The following SMYD3 variants were observed in gnomAD, a reference collection of about 807,000 sequenced individuals.
SMYD3 encodes the protein histone-lysine N-methyltransferase SMYD3.
In SMYD3, 36 loss-of-function variants were observed where a neutral mutation model predicts 57.7. The observed-to-expected ratio is 0.62, with a 90% CI of 0.48 to 0.82. SMYD3 has a LOEUF of 0.82. Ranked by LOEUF, SMYD3 falls within the 40% of genes least tolerant of loss-of-function variation. SMYD3 has a pLI of 0.00. For synonymous variants in SMYD3, 211 were observed against 195.0 expected (o/e 1.08, Z -0.68); for missense variants, 515 against 538.8 (o/e 0.96, Z 0.44).
intron 5 of SMYD3, among the ~76,000 whole-genome samples, chr1:246,295,915 TAA>T (rs2064785012): frequency 6.6e-6 from 1 of 152,216 alleles, no homozygotes; most frequent in Non-Finnish European, 1.5e-5. Flanking sequence ...GTATGAATTA[TAA>T]AGACTAAATT....
intron 1 of SMYD3, among the ~76,000 whole-genome samples, chr1:246,407,895 G>A (rs922432428): frequency 6.6e-6 from 1 of 151,270 alleles, no homozygotes; most frequent in African/African-American, 2.4e-5. Flanking sequence ...CTCTTGAGGA[G>A]GCTGGGAAAT....
intron 6 of SMYD3, 112 bp from the exon 7 acceptor site, chr1:245,928,145 G>A (rs1402624760): frequency 8.2e-6 from 6 of 730,310 alleles, no homozygotes; most frequent in Non-Finnish European, 1.4e-5. Flanking sequence ...AGCAGGTAGG[G>A]TTGACAGGAT....
chr1:246,334,614 C>T (rs1266736862), intron 3 of SMYD3, among the ~76,000 whole-genome samples: 2 of 152,106 alleles, frequency 1.3e-5, no homozygotes, highest in African/African-American at 4.8e-5. Flanking sequence ...TACTGGGTAC[C>T]ATGCTCACTA....
chr1:246,278,552 G>C (rs1470582456), intron 5 of SMYD3, among the ~76,000 whole-genome samples: 1 of 152,168 alleles, frequency 6.6e-6, no homozygotes, highest in Non-Finnish European at 1.5e-5. Flanking sequence ...AGGAACTGTG[G>C]GTAGACTTCA....
chr1:246,395,856 C>T (rs1350841537), intron 1 of SMYD3, among the ~76,000 whole-genome samples: 2 of 150,322 alleles, frequency 1.3e-5, no homozygotes, highest in Admixed American at 1.3e-4. Context: ...GAGAGGAGCC[C>T]GATCGCTGCC....
At chr1:246,392,622 A>T (rs970038727) in intron 1 of SMYD3, among the ~76,000 whole-genome samples, 1 of 151,652 alleles carries the variant, frequency 6.6e-6, no homozygotes, top group African/African-American at 2.4e-5. Flanking sequence ...TAATTATTAA[A>T]TTTTTTGTAG....
chr1:246,483,713 T>C (rs1455870573), intron 1 of SMYD3: 1 of 149,126 alleles, frequency 6.7e-6, no homozygotes, highest in Non-Finnish European at 1.5e-5. Context: ...TAAGATGGCA[T>C]AGCACAGGAA....
At chr1:246,149,559 GA>G (rs1327924611) in intron 5 of SMYD3, among the ~76,000 whole-genome samples, 6 of 152,122 alleles carry the variant, frequency 3.9e-5, no homozygotes, top group African/African-American at 1.2e-4. Context: ...CTCTATGATG[GA>G]ACTGCATTAA....
intron 5 of SMYD3, chr1:246,305,818 A>G (rs1248809521): frequency 6.6e-6 from 1 of 152,242 alleles, no homozygotes; most frequent in African/African-American, 2.4e-5. Flanking sequence ...ATCTTAATAA[A>G]TGAGTATGAT....
chr1:246,174,112 C>T (rs950143545), intron 5 of SMYD3, among the ~76,000 whole-genome samples: 1 of 151,950 alleles, frequency 6.6e-6, no homozygotes, highest in Non-Finnish European at 1.5e-5. Context: ...ATCTGGCCAA[C>T]TTTATTTTTT....
At chr1:246,248,478 C>T (rs2063743843) in intron 5 of SMYD3, among the ~76,000 whole-genome samples, 1 of 152,008 alleles carries the variant, frequency 6.6e-6, no homozygotes, top group South Asian at 2.1e-4. Flanking sequence ...TTATCAATTA[C>T]CGGTCAGTAT....
chr1:246,496,996 A>C (rs2068374204), intron 1 of SMYD3, among the ~76,000 whole-genome samples: 1 of 152,228 alleles, frequency 6.6e-6, no homozygotes, highest in South Asian at 2.1e-4. Flanking sequence ...GGCTCTGTCC[A>C]TTTTCACTTT....
intron 10 of SMYD3, among the ~76,000 whole-genome samples, chr1:245,844,605 CT>C (rs34767057): frequency 6.8e-6 from 1 of 147,758 alleles, no homozygotes; most frequent in Non-Finnish European, 1.5e-5. Flanking sequence ...TCCTTGGTTT[CT>C]TTTTTTTTTT....
chr1:245,866,646 G>A (rs546982750), intron 8 of SMYD3, among the ~76,000 whole-genome samples: 79 of 152,174 alleles, frequency 5.2e-4, no homozygotes, highest in African/African-American at 1.7e-3. Flanking sequence ...GCAGGAGAAT[G>A]GCTTGAACGT....
At chr1:246,218,578 G>A (rs886113348) in intron 5 of SMYD3, among the ~76,000 whole-genome samples, 7 of 150,760 alleles carry the variant, frequency 4.6e-5, no homozygotes, top group Admixed American at 6.6e-5. Context: ...CCGAGATGGC[G>A]CCACTGCACT....
At chr1:246,374,015 A>T (rs1053223922) in intron 1 of SMYD3, among the ~76,000 whole-genome samples, 1 of 152,160 alleles carries the variant, frequency 6.6e-6, no homozygotes, top group African/African-American at 2.4e-5. Context: ...GGCACTGTCC[A>T]TTGTTTACCC....
At chr1:245,815,535 C>A (rs2048756790) in intron 10 of SMYD3, among the ~76,000 whole-genome samples, 1 of 152,366 alleles carries the variant, frequency 6.6e-6, no homozygotes, top group Non-Finnish European at 1.5e-5. Context: ...CCAAGTGACT[C>A]TGATGCATAT....
At chr1:245,916,706 G>A (rs960219851) in intron 7 of SMYD3, among the ~76,000 whole-genome samples, 1 of 152,154 alleles carries the variant, frequency 6.6e-6, no homozygotes, top group Admixed American at 6.5e-5. Context: ...CCTGTAAAAT[G>A]TAATAGTCTC....
intron 5 of SMYD3, among the ~76,000 whole-genome samples, chr1:246,126,093 T>C (rs908174173): frequency 1.3e-5 from 2 of 152,174 alleles, no homozygotes; most frequent in African/African-American, 4.8e-5. Context: ...CTAAGAAGCA[T>C]TACTTACACA....
Sources: allele counts gnomAD v4.1 joint callset (sites outside exome capture counted in the v4.1 genomes callset), GRCh38; gene constraint gnomAD v4.1.1; transcripts MANE v1.5; gene names NCBI Gene and HGNC (gene_info 2026-07-23, HGNC 2026-07-21).